UBR1: variants seen among roughly 807,000 people sequenced by gnomAD.
UBR1 encodes E3 ubiquitin-protein ligase UBR1.
A neutral mutation model predicts 242.1 loss-of-function variants in UBR1; 102 were observed. That is an observed-to-expected ratio of 0.42 (90% CI 0.36 to 0.50). UBR1 has a LOEUF of 0.50. Ranked by LOEUF, UBR1 falls within the 20% of genes least tolerant of loss-of-function variation. UBR1 has a pLI of 0.01. For missense variants in UBR1, 1,772 were observed against 2,101.8 expected (o/e 0.84, Z 3.07); for synonymous variants, 675 against 684.8 (o/e 0.99, Z 0.22).
chr15:43,070,112 A>G (rs2033806478), intron 5 of UBR1, among the ~76,000 whole-genome samples: 1 of 152,142 alleles, frequency 6.6e-6, no homozygotes, highest in Non-Finnish European at 1.5e-5. Context: ...CTAATATTAC[A>G]TAGGTAGAAA....
At chr15:43,024,694 T>C in intron 25 of UBR1, 135 bp downstream of exon 25, 1 of 1,235,226 alleles carries the variant, frequency 8.1e-7, no homozygotes, top group African/African-American at 1.5e-5. Flanking sequence ...TTGTGCTGTG[T>C]GTAAGCTATT....
intron 27 of UBR1, among the ~76,000 whole-genome samples, chr15:43,018,003 T>C (rs1239848791): frequency 1.3e-5 from 2 of 151,046 alleles, no homozygotes; most frequent in Non-Finnish European, 2.9e-5. Context: ...CTTTTTTGGT[T>C]TGTTGTTTTT....
At chr15:43,076,629 G>A (rs528531832) in intron 3 of UBR1, among the ~76,000 whole-genome samples, 21 of 148,600 alleles carry the variant, frequency 1.4e-4, no homozygotes, top group East Asian at 1.0e-3. Flanking sequence ...CTCTCTGCCC[G>A]GCCGCCCCGT....
chr15:43,101,681 A>T (rs529447407), intron 1 of UBR1, among the ~76,000 whole-genome samples: 1 of 151,780 alleles, frequency 6.6e-6, no homozygotes, highest in Non-Finnish European at 1.5e-5. Flanking sequence ...AATACAAAAA[A>T]ACTGGCTGGG....
chr15:43,003,031 G>A (rs1362162490), intron 31 of UBR1, among the ~76,000 whole-genome samples: 1 of 152,120 alleles, frequency 6.6e-6, no homozygotes, highest in Non-Finnish European at 1.5e-5. Flanking sequence ...AAGTAGTGAG[G>A]GCTATCATGG....
At chr15:43,016,995 A>C (rs1373921579) in intron 28 of UBR1, 100 bp downstream of exon 28, 2 of 826,666 alleles carry the variant, frequency 2.4e-6, no homozygotes, top group East Asian at 2.6e-5. Context: ...CACAATCAAC[A>C]GGTTTCTCCT....
chr15:43,054,642 T>C (rs2033594601), intron 12 of UBR1, 100 bp downstream of exon 12: 2 of 1,358,200 alleles, frequency 1.5e-6, no homozygotes, highest in Admixed American at 1.7e-5. Context: ...ATAAAGAGAA[T>C]TCTGGATAAC....
At chr15:43,076,214 G>A (rs954446688) in intron 3 of UBR1, among the ~76,000 whole-genome samples, 1 of 148,904 alleles carries the variant, frequency 6.7e-6, no homozygotes, top group Non-Finnish European at 1.5e-5. Context: ...GCCCCTAACC[G>A]CGAGTGATCC....
chr15:42,952,857 T>C (rs937833146), intron 44 of UBR1, among the ~76,000 whole-genome samples: 2 of 152,204 alleles, frequency 1.3e-5, no homozygotes, highest in South Asian at 2.1e-4. Context: ...CTTGTAAGTA[T>C]GCAATTGTTT....
At chr15:43,003,793 A>G (rs2032761997) in intron 31 of UBR1, 44 bp downstream of exon 31, 2 of 1,590,800 alleles carry the variant, frequency 1.3e-6, no homozygotes, top group Admixed American at 1.7e-5. Context: ...GTGAACTTCA[A>G]TGTTCCTAGT....
rs1030957109 is a variant in UBR1 at position 42,981,520 on chromosome 15, C to T, written c.4150+2377G>A. Among the ~76,000 whole-genome samples the T allele has an allele frequency of 2.6e-5, 4 of 151,984 alleles. No individual in the cohort carries two copies. The East Asian group carries it at 5.8e-4, about 22-fold the overall frequency. On this transcript the variant is annotated intron_variant, in intron 37 of 46. Transcript: ENST00000290650. ...TTTTTTCTTTTTTGAGATGGAATCT[C>T]GCTCTGTCGCCCATGTTGGAGTGCA... is the stretch of plus-strand genomic sequence containing the variant.
intron 44 of UBR1, among the ~76,000 whole-genome samples, chr15:42,954,997 C>A (rs1325376741): frequency 1.3e-5 from 2 of 151,910 alleles, no homozygotes; most frequent in East Asian, 1.9e-4. Flanking sequence ...TGAAACCCTG[C>A]CTCTACTAAA....
At chr15:42,963,831 C>T in intron 42 of UBR1, 104 bp downstream of exon 42, 1 of 867,722 alleles carries the variant, frequency 1.2e-6, no homozygotes, top group East Asian at 2.7e-5. Flanking sequence ...CTTTTGCCAC[C>T]CCTTTAATCA....
intron 20 of UBR1, among the ~76,000 whole-genome samples, chr15:43,030,814 A>G (rs956806697): frequency 6.6e-6 from 1 of 152,240 alleles, no homozygotes; most frequent in Non-Finnish European, 1.5e-5. Flanking sequence ...TATCTATAAG[A>G]GGGTTACAAA....
At chr15:43,045,484 A>T (rs1324416096) in intron 14 of UBR1, among the ~76,000 whole-genome samples, 2 of 152,036 alleles carry the variant, frequency 1.3e-5, no homozygotes, top group Non-Finnish European at 2.9e-5. Flanking sequence ...ACACACACAC[A>T]CTCACACACA....
At chr15:43,078,733 T>C (rs895944804) in intron 3 of UBR1, among the ~76,000 whole-genome samples, 1 of 151,092 alleles carries the variant, frequency 6.6e-6, no homozygotes, top group African/African-American at 2.4e-5. Flanking sequence ...TTTGGGAGGT[T>C]TGAAGTGGGA....
At position 43,022,695 on chromosome 15, in the gene UBR1, A is replaced by G. The variant is rs1046768689; in HGVS notation, c.2839+7T>C. The G allele has an allele frequency of 1.3e-6, 2 of 1,593,224 alleles. No homozygotes were observed. Among genetic ancestry groups the G allele is most frequent in the Non-Finnish European group, 1.7e-6 (2 of 1,162,678 alleles). The stretch of plus-strand genomic sequence containing the variant: ...CAAATGTGTTGAAGAGTGATACTCA[A>G]ACATACTTGAAGCCTTATGATAAAA... On this transcript the variant is annotated splice_region_variant and intron_variant, in intron 26 of 46. Coordinates refer to ENST00000290650, the MANE Select transcript of UBR1 (RefSeq NM_174916.3).
chr15:43,004,788 G>A (rs555241865), intron 30 of UBR1, among the ~76,000 whole-genome samples: 1 of 152,302 alleles, frequency 6.6e-6, no homozygotes, highest in South Asian at 2.1e-4. Context: ...TGCAGCCTCT[G>A]CCCAGCCGCC....
chr15:43,034,809 C>T (rs567939535), intron 19 of UBR1, among the ~76,000 whole-genome samples: 8 of 149,632 alleles, frequency 5.3e-5, no homozygotes, highest in African/African-American at 9.8e-5. Flanking sequence ...CGCTTGAACC[C>T]GGGGTGGGCA....
Sources: allele counts gnomAD v4.1 joint callset (sites outside exome capture counted in the v4.1 genomes callset), GRCh38; gene constraint gnomAD v4.1.1; transcripts MANE v1.5; gene names NCBI Gene and HGNC (gene_info 2026-07-23, HGNC 2026-07-21).